The following CHD5 variants were observed in gnomAD, a reference collection of about 807,000 sequenced individuals.
CHD5 encodes chromodomain helicase DNA binding protein 5, also known as ATP-dependent chromatin remodeler CHD5.
A neutral mutation model predicts 230.3 loss-of-function variants in CHD5; 69 were observed. The observed-to-expected ratio is 0.30, with a 90% confidence interval of 0.25 to 0.37. CHD5 has a LOEUF of 0.37. Among genes scored for constraint, CHD5 ranks in the 10% least tolerant of loss-of-function variants. CHD5 has a pLI of 1.00. For missense variants in CHD5, 1,827 were observed against 2,622.8 expected (o/e 0.70, Z 6.63); for synonymous variants, 1,064 against 1,065.9 (o/e 1.00, Z 0.03).
chr1:6,178,339 G>A (rs1004357635), intron 1 of CHD5, among the ~76,000 whole-genome samples: 24 of 152,184 alleles, frequency 1.6e-4, no homozygotes, highest in Admixed American at 7.2e-4. Context: ...AGAGAGAGCC[G>A]GAGTGTAAGA....
In CHD5 at chr1:6,130,368, G is replaced by T. The variant is rs79319708; in HGVS notation, c.3263-40C>A. The stretch of plus-strand genomic sequence containing the variant: ...CCAGCAGATGGGAGTGTTTGGGGGG[G>T]TACACCTTGGGTGGGCAGAAAGGAT... On this transcript the variant is annotated intron_variant, in intron 21 of 41. Transcript: ENST00000262450. This position sits in a 1 kb window ranked among gnomAD's most constrained non-coding sequence, Gnocchi z 4.9. 2,112 of 1,601,958 alleles carry T rather than the reference G, an allele frequency of 1.3e-3. 26 individuals are homozygous for T. In the African/African-American group the frequency reaches 0.025, roughly 19 times the overall value.
At chr1:6,166,403 A>G (rs4908848) in intron 2 of CHD5, among the ~76,000 whole-genome samples, 29,251 of 151,652 alleles carry the variant, frequency 0.19, 4,028 homozygotes, top group African/African-American at 0.39. Context: ...CAGAAGCCCC[A>G]CAAGGCAGGG....
Position 6,146,295 on chromosome 1 carries a change from G to T in CHD5, c.1719C>A (p.Pro573=). 6.2e-7 allele frequency: 1 copy of T among 1,614,176 alleles called. No homozygotes were observed. The highest frequency in any genetic ancestry group is 8.5e-7 in the Non-Finnish European group (1 of 1,180,012). Residue 573 remains proline, a synonymous_variant, in exon 11 of 42, where the codon CCC becomes CCA. Transcript: ENST00000262450. This position sits in a 1 kb window ranked among gnomAD's most constrained non-coding sequence, Gnocchi z 5.1. ...GKSEKRKNKD[P]LYAKMEERFY... ...AGCGCTCCTCCATCTTGGCATAGAG[G>T]GGGTCCTTGTTCTTCCTCTTCTCGC... is the stretch of plus-strand genomic sequence containing the variant.
chr1:6,178,972 G>T (rs570566522), intron 1 of CHD5, among the ~76,000 whole-genome samples: 14 of 152,276 alleles, frequency 9.2e-5, no homozygotes, highest in African/African-American at 3.4e-4. Flanking sequence ...TTGGCGCAGG[G>T]AAGCCGAGAA....
Position 6,155,361 on chromosome 1 carries a change from C to A in CHD5, c.506+238G>T, listed in dbSNP as rs1667065138. On this transcript the variant is annotated intron_variant, in intron 4 of 41. Coordinates refer to ENST00000262450, the MANE Select transcript of CHD5 (RefSeq NM_015557.3). This position sits in a 1 kb window ranked among gnomAD's most constrained non-coding sequence, Gnocchi z 4.0. ...GACCCCCCAGGAAAGACTGGAACCA[C>A]CTTCCCCAAGGGGAAGAGACTCAAG... 6.6e-6 allele frequency among the ~76,000 whole-genome samples: 1 copy of A among 152,096 alleles called. No individual in the cohort carries two copies. The highest frequency in any genetic ancestry group is 2.1e-4 in the South Asian group (1 of 4,828).
chr1:6,180,062 C>A lies in CHD5; in HGVS notation c.-39G>T. ...AGGAGGGGAGGTGGGCGCCCCCCCT[C>A]CCGCCGGGCGCGGTGCCAGCCTTAA... On this transcript the variant is annotated 5_prime_UTR_variant, in exon 1 of 42. Transcript: ENST00000262450. The A allele has an allele frequency of 2.6e-6, 3 of 1,164,774 alleles. No homozygotes were observed. The highest frequency in any genetic ancestry group is 4.1e-5 in the South Asian group (2 of 48,246). The allele number at this position is 1,164,774 out of a possible 1,614,324, so 72.2% of individuals were successfully genotyped here. A position where few individuals can be genotyped will look rare whatever the true frequency, so the allele number is the denominator to read the frequency against.
chr1:6,110,156 G>A (rs1437539638), intron 37 of CHD5, among the ~76,000 whole-genome samples, 166 bp from the exon 38 acceptor site: 5 of 152,316 alleles, frequency 3.3e-5, no homozygotes, highest in Non-Finnish European at 5.9e-5. Flanking sequence ...CCTTGGAGCT[G>A]TCACCAAGCT....
chr1:6,150,924 C>A, intron 7 of CHD5, 108 bp downstream of exon 7: 1 of 1,316,838 alleles, frequency 7.6e-7, no homozygotes, highest in South Asian at 2.3e-5. Flanking sequence ...AGGTTCCATG[C>A]CCCGCACATC....
rs576438956 is a variant in CHD5, at chr1:6,176,911, A to G, written c.79+3034T>C. Among the ~76,000 whole-genome samples, 43 of 152,250 alleles carry G rather than the reference A, an allele frequency of 2.8e-4. No individual in the cohort carries two copies. The South Asian group carries it at 8.3e-3, about 29-fold the overall frequency. On this transcript the variant is annotated intron_variant, in intron 1 of 41. Transcript: ENST00000262450. ...ACCCCAACTCCCAGGAGAATCTGGC[A>G]ACTGCTGGTCCCCCAACCAGAAGAG...
rs116235203 is a variant in CHD5, at chr1:6,134,618, G to A, written c.3012+100C>T. 7.7e-4 allele frequency: 979 copies of A among 1,276,442 alleles called. 10 individuals carry two copies. In the African/African-American group the frequency reaches 0.013, roughly 17 times the overall value. The allele number at this position is 1,276,442 out of a possible 1,614,324, so 79.1% of individuals were successfully genotyped here. On this transcript the variant is annotated intron_variant, in intron 19 of 41. Transcript: ENST00000262450. The surrounding 1 kb of genome is among the most constrained non-coding windows in gnomAD (Gnocchi z 6.3). ...GCCACAGAAATCGCCACAATGGCCAGGAGAACCTATCACAGCGGCCACAGG... is the reference window on the plus strand; with the variant it reads ...GCCACAGAAATCGCCACAATGGCCAAGAGAACCTATCACAGCGGCCACAGG...
At chr1:6,115,309 T>C (rs1557538433) in intron 33 of CHD5, among the ~76,000 whole-genome samples, 1 of 151,868 alleles carries the variant, frequency 6.6e-6, no homozygotes, top group Admixed American at 6.6e-5. Flanking sequence ...CAGAATTTAA[T>C]TGCAGAATTC....
chr1:6,144,263 G>A lies in CHD5; in HGVS notation c.1803-108C>T, dbSNP rs988991220. The A allele has an allele frequency of 9.2e-5, 137 of 1,486,116 alleles. 1 individual carries two copies. Among genetic ancestry groups the A allele is most frequent in the African/African-American group, 8.1e-4 (59 of 72,488 alleles). The allele number at this position is 1,486,116 out of a possible 1,614,324, so 92.1% of individuals were successfully genotyped here. A position where few individuals can be genotyped will look rare whatever the true frequency, so the allele number is the denominator to read the frequency against. Reference sequence around the variant, plus strand: ...AGCCATTCACACCCAGGGTCCCCTCGGATGCTGGGCCCAGCCAGGAGGAGG... The same window carrying A: ...AGCCATTCACACCCAGGGTCCCCTCAGATGCTGGGCCCAGCCAGGAGGAGG... On this transcript the variant is annotated intron_variant, in intron 11 of 41. Coordinates refer to ENST00000262450, the MANE Select transcript of CHD5 (RefSeq NM_015557.3).
At chr1:6,157,720 A>G (rs9434740) in intron 3 of CHD5, among the ~76,000 whole-genome samples, 15,941 of 152,248 alleles carry the variant, frequency 0.1, 1,088 homozygotes, top group East Asian at 0.26. Context: ...ACACATGGCC[A>G]TTCCTGATGG....
chr1:6,127,886 C>A (rs1289529601), intron 25 of CHD5, among the ~76,000 whole-genome samples, 160 bp downstream of exon 25: 5 of 151,440 alleles, frequency 3.3e-5, no homozygotes, highest in Non-Finnish European at 1.5e-5. Context: ...GTGCGGGGCA[C>A]AGCAGGGAGG....
Position 6,134,515 on chromosome 1 carries a change from T to C in CHD5, c.3012+203A>G, listed in dbSNP as rs1666708883. ...CACCAGCCCTACCACAGCAGCGGGTTCCACGGTAAGTTCCCCAGCACCTAC... is the reference window on the plus strand; with the variant it reads ...CACCAGCCCTACCACAGCAGCGGGTCCCACGGTAAGTTCCCCAGCACCTAC... On this transcript the variant is annotated intron_variant, in intron 19 of 41. Coordinates refer to ENST00000262450, the MANE Select transcript of CHD5 (RefSeq NM_015557.3). This position sits in a 1 kb window ranked among gnomAD's most constrained non-coding sequence, Gnocchi z 6.3. Among the ~76,000 whole-genome samples, 1 of 152,134 alleles carries C rather than the reference T, an allele frequency of 6.6e-6. No homozygotes were observed. Among genetic ancestry groups the C allele is most frequent in the African/African-American group, 2.4e-5 (1 of 41,428 alleles).
chr1:6,173,206 G>C (rs113782549), intron 1 of CHD5, among the ~76,000 whole-genome samples: 1 of 151,110 alleles, frequency 6.6e-6, no homozygotes, highest in Non-Finnish European at 1.5e-5. Flanking sequence ...CCAGGTTCAC[G>C]CCATTCTCCT....
In CHD5 at chr1:6,179,934, G is replaced by A. The variant is rs1348257967; in HGVS notation, c.79+11C>T. ...CCGCTCTGGCCCCAGGCGCACCCGCGCCCCGCTCACCTGACATCTCGTCCT... is the reference window on the plus strand; with the variant it reads ...CCGCTCTGGCCCCAGGCGCACCCGCACCCCGCTCACCTGACATCTCGTCCT... On this transcript the variant is annotated intron_variant, in intron 1 of 41. Coordinates refer to ENST00000262450, the MANE Select transcript of CHD5 (RefSeq NM_015557.3). 6 of 1,306,316 alleles carry A rather than the reference G, an allele frequency of 4.6e-6. No homozygotes were observed. In the African/African-American group the frequency reaches 4.7e-5, roughly 10 times the overall value. The allele number at this position is 1,306,316 out of a possible 1,614,324, so 80.9% of individuals were successfully genotyped here.
chr1:6,166,433 TAGG>T (rs945872020), intron 2 of CHD5, among the ~76,000 whole-genome samples: 1 of 151,514 alleles, frequency 6.6e-6, no homozygotes, highest in African/African-American at 2.4e-5. Context: ...GAAGGGCCGG[TAGG>T]AGGTGGGTGA....
At chr1:6,110,105 T>C (rs1036871047) in intron 37 of CHD5, 115 bp from the exon 38 acceptor site, 2 of 1,060,206 alleles carry the variant, frequency 1.9e-6, no homozygotes, top group African/African-American at 1.6e-5. Context: ...AAAGAGGACG[T>C]ACTGCCATCT....
Sources: allele counts gnomAD v4.1 joint callset (sites outside exome capture counted in the v4.1 genomes callset), GRCh38; gene constraint gnomAD v4.1.1; non-coding constraint Gnocchi (gnomAD v3.1); transcripts MANE v1.5; gene names NCBI Gene and HGNC (gene_info 2026-07-23, HGNC 2026-07-21).